The following GFRA2 variants were observed in gnomAD, a reference collection of about 807,000 sequenced individuals.
The protein encoded by GFRA2 is GDNF family receptor alpha-2.
In GFRA2, 17 loss-of-function variants were observed where a neutral mutation model predicts 48.3. That is an observed-to-expected ratio of 0.35 (90% CI 0.24 to 0.53). GFRA2 has a LOEUF of 0.53. Ranked by LOEUF, GFRA2 falls within the 20% of genes least tolerant of loss-of-function variation. The pLI, the probability that GFRA2 is intolerant of heterozygous loss-of-function variation, is 0.93. For missense variants in GFRA2, 660 were observed against 637.3 expected, an observed-to-expected ratio of 1.04 and a Z score of -0.38; for synonymous variants, 305 against 257.2, an observed-to-expected ratio of 1.19 and a Z score of -1.78.
At position 21,788,855 on chromosome 8, in the gene GFRA2, C is replaced by T. The variant is rs1807420869; in HGVS notation, c.-696G>A. The stretch of plus-strand genomic sequence containing the variant: ...TCTCCTCTCCCTCGCTCGCTCTTTG[C>T]TCTCGCTCTCTCCAGCTCTCCCTCG... On this transcript the variant is annotated 5_prime_UTR_variant, in exon 1 of 9. Transcript: ENST00000524240. 2 of 936,114 alleles carry T rather than the reference C, an allele frequency of 2.1e-6. No individual in the cohort carries two copies. The highest frequency in any genetic ancestry group is 4.9e-5 in the South Asian group (1 of 20,300). 58.0% of individuals were successfully genotyped at this position (936,114 alleles called of 1,614,324 possible). A position where few individuals can be genotyped will look rare whatever the true frequency, so the allele number is the denominator to read the frequency against.
intron 4 of GFRA2, among the ~76,000 whole-genome samples, chr8:21,721,702 T>C (rs1327006186): frequency 6.6e-6 from 1 of 152,182 alleles, no homozygotes; most frequent in Non-Finnish European, 1.5e-5. Flanking sequence ...GCAGTCCAAT[T>C]GCACCCAAAT....
intron 4 of GFRA2, among the ~76,000 whole-genome samples, chr8:21,735,261 A>C (rs1459922356): frequency 1.3e-5 from 2 of 152,152 alleles, no homozygotes; most frequent in Admixed American, 1.3e-4. Context: ...GGAGTCCATC[A>C]ACCATGTTTT....
At chr8:21,777,116 G>A (rs1747875271) in intron 2 of GFRA2, among the ~76,000 whole-genome samples, 1 of 152,204 alleles carries the variant, frequency 6.6e-6, no homozygotes, top group Admixed American at 6.5e-5. Context: ...AAGGAGCACA[G>A]AGACATTAAG....
chr8:21,759,007 C>A (rs1044191001), intron 3 of GFRA2, among the ~76,000 whole-genome samples: 4 of 152,200 alleles, frequency 2.6e-5, no homozygotes, highest in African/African-American at 9.7e-5. Flanking sequence ...ATGCCAGGCC[C>A]TAAAATCCAG....
intron 8 of GFRA2, among the ~76,000 whole-genome samples, chr8:21,694,194 C>T (rs540397481): frequency 6.6e-6 from 1 of 151,064 alleles, no homozygotes; most frequent in African/African-American, 2.4e-5. Flanking sequence ...GTCGACACAA[C>T]TGTCTTAAGA....
intron 1 of GFRA2, chr8:21,812,151 A>G (rs183345563): frequency 6.6e-6 from 1 of 152,362 alleles, no homozygotes; most frequent in Admixed American, 6.5e-5. Context: ...TCCCAGCTGA[A>G]CAAAGCAGGC....
intron 4 of GFRA2, among the ~76,000 whole-genome samples, chr8:21,725,339 C>A (rs1177886297): frequency 6.6e-6 from 1 of 152,186 alleles, no homozygotes; most frequent in Non-Finnish European, 1.5e-5. Flanking sequence ...GCTGAAGGGC[C>A]TCGGTGGCTT....
In GFRA2 at chr8:21,782,636, CCTT is replaced by C; in HGVS notation, c.301_303del (p.Lys101del). 2 of 1,586,164 alleles carry C rather than the reference CCTT, an allele frequency of 1.3e-6. No individual in the cohort carries two copies. Among genetic ancestry groups the C allele is most frequent in the Non-Finnish European group, 1.7e-6 (2 of 1,166,798 alleles). On this transcript the variant is annotated inframe_deletion, in exon 2 of 9. Coordinates refer to ENST00000524240, the MANE Select transcript of GFRA2 (RefSeq NM_001495.5). The stretch of plus-strand genomic sequence containing the variant: ...CAGTAGATCTGCAGACACTGCAGCT[CCTT>C]CTTCATGCCCCGCTTGCAGCGGCAG...
At chr8:21,722,511 G>C (rs1803648896) in intron 4 of GFRA2, among the ~76,000 whole-genome samples, 1 of 152,160 alleles carries the variant, frequency 6.6e-6, no homozygotes, top group Non-Finnish European at 1.5e-5. Context: ...TCTATGAACT[G>C]TGGGGTTCTA....
At chr8:21,729,610 C>T (rs893429662) in intron 4 of GFRA2, among the ~76,000 whole-genome samples, 21 of 152,304 alleles carry the variant, frequency 1.4e-4, no homozygotes, top group Admixed American at 1.4e-3. Context: ...GGAGCACCTA[C>T]AATGTTGTCA....
intron 4 of GFRA2, among the ~76,000 whole-genome samples, chr8:21,723,884 T>C (rs1355374877): frequency 6.6e-6 from 1 of 152,058 alleles, no homozygotes; most frequent in Non-Finnish European, 1.5e-5. Context: ...AATCTTGGTG[T>C]GTCAACCAAG....
chr8:21,798,901 G>A (rs1416666172), intron 2 of GFRA2, among the ~76,000 whole-genome samples: 1 of 152,152 alleles, frequency 6.6e-6, no homozygotes, highest in African/African-American at 2.4e-5. Context: ...GCACTCTGTT[G>A]AAGTCTCCCA....
chr8:21,701,816 A>C (rs1802494358), intron 7 of GFRA2, among the ~76,000 whole-genome samples: 1 of 152,238 alleles, frequency 6.6e-6, no homozygotes, highest in Non-Finnish European at 1.5e-5. Flanking sequence ...CTGCAGAAGA[A>C]AAAGAATTAA....
intron 2 of GFRA2, among the ~76,000 whole-genome samples, chr8:21,781,892 T>C (rs1413233032): frequency 6.6e-6 from 1 of 152,140 alleles, no homozygotes; most frequent in Non-Finnish European, 1.5e-5. Context: ...AGGTTCTACT[T>C]TGTGACTCGG....
intron 4 of GFRA2, among the ~76,000 whole-genome samples, chr8:21,722,501 T>G (rs1417289915): frequency 6.6e-6 from 1 of 152,122 alleles, no homozygotes; most frequent in East Asian, 1.9e-4. Context: ...AAAAATAGAA[T>G]CTATGAACTG....
chr8:21,759,629 C>G (rs1376582222), intron 3 of GFRA2, among the ~76,000 whole-genome samples: 2 of 151,934 alleles, frequency 1.3e-5, no homozygotes, highest in Non-Finnish European at 2.9e-5. Flanking sequence ...TGCTTCACAC[C>G]TGTAACCCCA....
intron 2 of GFRA2, among the ~76,000 whole-genome samples, chr8:21,778,364 C>T (rs1806812411): frequency 6.6e-6 from 1 of 152,140 alleles, no homozygotes; most frequent in Admixed American, 6.5e-5. Context: ...TACCTCTGGG[C>T]TCCCAAGACC....
chr8:21,790,053 C>T (rs1396871885), upstream of GFRA2: 3 of 984,736 alleles, frequency 3.0e-6, no homozygotes, highest in Non-Finnish European at 1.2e-6. Flanking sequence ...ATCCATCTGT[C>T]GGTGGGCCGG....
At chr8:21,701,783 C>A (rs1362472454) in intron 7 of GFRA2, among the ~76,000 whole-genome samples, 1 of 152,284 alleles carries the variant, frequency 6.6e-6, no homozygotes, top group South Asian at 2.1e-4. Context: ...TACAAGAAAC[C>A]AAGCAACTGA....
Sources: allele counts gnomAD v4.1 joint callset (sites outside exome capture counted in the v4.1 genomes callset), GRCh38; gene constraint gnomAD v4.1.1; transcripts MANE v1.5; gene names NCBI Gene and HGNC (gene_info 2026-07-23, HGNC 2026-07-21).